ADGRL3: variants seen among roughly 807,000 people sequenced by gnomAD.
ADGRL3 encodes calcium-independent alpha-latrotoxin receptor 3.
A neutral mutation model predicts 153.5 loss-of-function variants in ADGRL3; 62 were observed. That is an observed-to-expected ratio of 0.40 (90% CI 0.33 to 0.50). The LOEUF is 0.50. ADGRL3 is among the 20% of genes least tolerant of loss of function. The pLI, the probability that ADGRL3 is intolerant of heterozygous loss-of-function variation, is 0.47. For missense variants in ADGRL3, 1,641 were observed against 1,859.4 expected (o/e 0.88, Z 2.16); for synonymous variants, 710 against 672.5 (o/e 1.06, Z -0.86).
chr4:61,806,762 A>C (rs1037315871), intron 8 of ADGRL3, among the ~76,000 whole-genome samples: 7 of 152,146 alleles, frequency 4.6e-5, no homozygotes, highest in Non-Finnish European at 5.9e-5. Context: ...AAATTTTGGC[A>C]TAAATAAAAT....
At chr4:62,015,664 A>G (rs1010853013) in intron 21 of ADGRL3, among the ~76,000 whole-genome samples, 6 of 152,172 alleles carry the variant, frequency 3.9e-5, no homozygotes, top group African/African-American at 1.4e-4. Context: ...AATAATGTGC[A>G]TATCCCTTAA....
At chr4:61,292,288 ATT>A (rs1393607460) in intron 1 of ADGRL3, among the ~76,000 whole-genome samples, 1 of 152,054 alleles carries the variant, frequency 6.6e-6, no homozygotes, top group Non-Finnish European at 1.5e-5. Flanking sequence ...AGTAAATTTA[ATT>A]TTGTGTGTTT....
At chr4:61,306,394 C>T (rs1047519700) in intron 1 of ADGRL3, among the ~76,000 whole-genome samples, 7 of 152,042 alleles carry the variant, frequency 4.6e-5, no homozygotes, top group East Asian at 1.9e-4. Flanking sequence ...CACCCCACAC[C>T]GCCAAGAACT....
At chr4:61,569,854 C>T (rs577777725) in intron 4 of ADGRL3, among the ~76,000 whole-genome samples, 1 of 152,224 alleles carries the variant, frequency 6.6e-6, no homozygotes, top group South Asian at 2.1e-4. Flanking sequence ...GCACTTAGCA[C>T]TTCACTATAA....
At chr4:61,902,281 C>G (rs183658854) in intron 11 of ADGRL3, among the ~76,000 whole-genome samples, 1 of 152,134 alleles carries the variant, frequency 6.6e-6, no homozygotes, top group South Asian at 2.1e-4. Context: ...TTGGTGACTC[C>G]CTTTCCTTCC....
chr4:61,761,491 A>G (rs1293889154), intron 8 of ADGRL3, among the ~76,000 whole-genome samples: 3 of 152,176 alleles, frequency 2.0e-5, no homozygotes, highest in African/African-American at 7.2e-5. Flanking sequence ...GTCAAAGCAT[A>G]TGATCTTATT....
chr4:61,340,192 T>C (rs557702141), intron 1 of ADGRL3, among the ~76,000 whole-genome samples: 46 of 152,298 alleles, frequency 3.0e-4, no homozygotes, highest in African/African-American at 1.1e-3. Context: ...CAAACTAAAT[T>C]GGATATTTTG....
intron 6 of ADGRL3, among the ~76,000 whole-genome samples, chr4:61,711,489 T>TATATATATATATATATAC (rs1216182444): frequency 9.3e-6 from 1 of 107,942 alleles, no homozygotes; most frequent in Non-Finnish European, 1.9e-5. Flanking sequence ...TATATATATA[T>TATATATATATATATATAC]ATACACACAC....
intron 21 of ADGRL3, among the ~76,000 whole-genome samples, chr4:62,007,436 A>ATC (rs2099164948): frequency 1.5e-5 from 2 of 130,818 alleles, no homozygotes; most frequent in East Asian, 2.1e-4. Context: ...ATATATATAT[A>ATC]TATACACACA....
At chr4:61,847,899 T>TAC (rs2098146838) in intron 9 of ADGRL3, among the ~76,000 whole-genome samples, 2 of 23,086 alleles carry the variant, frequency 8.7e-5, no homozygotes, top group African/African-American at 1.1e-4. Flanking sequence ...AAATATATTA[T>TAC]ATATAATATA....
At chr4:61,839,186 TTTG>T (rs2097984512) in intron 9 of ADGRL3, among the ~76,000 whole-genome samples, 2 of 151,970 alleles carry the variant, frequency 1.3e-5, no homozygotes, top group African/African-American at 4.8e-5. Context: ...AGATTGTGAT[TTTG>T]TTTTGTTTTT....
intron 5 of ADGRL3, among the ~76,000 whole-genome samples, chr4:61,610,482 A>G (rs527248654): frequency 3.3e-5 from 5 of 152,300 alleles, no homozygotes; most frequent in South Asian, 4.1e-4. Flanking sequence ...AATATTTCCA[A>G]TCTTTCTTGG....
chr4:61,629,097 A>T (rs1011482069), intron 5 of ADGRL3, among the ~76,000 whole-genome samples: 2 of 152,132 alleles, frequency 1.3e-5, no homozygotes, highest in South Asian at 4.1e-4. Flanking sequence ...CAGGGTGAGA[A>T]TTAGTGAAAT....
chr4:61,515,890 A>C (rs960691039), intron 3 of ADGRL3, among the ~76,000 whole-genome samples: 1 of 152,298 alleles, frequency 6.6e-6, no homozygotes, highest in African/African-American at 2.4e-5. Flanking sequence ...ACATCAAAGA[A>C]GGCAATTACT....
At chr4:61,791,732 A>G (rs566738407) in intron 8 of ADGRL3, among the ~76,000 whole-genome samples, 1 of 152,282 alleles carries the variant, frequency 6.6e-6, no homozygotes, top group East Asian at 1.9e-4. Flanking sequence ...AGACATTTCT[A>G]TACATCTGAA....
At chr4:62,010,133 A>G (rs1395300569) in intron 21 of ADGRL3, among the ~76,000 whole-genome samples, 3 of 152,086 alleles carry the variant, frequency 2.0e-5, no homozygotes, top group African/African-American at 7.2e-5. Context: ...GTTTTATCAC[A>G]TAGGCATGAT....
chr4:61,487,657 A>G (rs1298985898), intron 2 of ADGRL3, among the ~76,000 whole-genome samples: 1 of 152,070 alleles, frequency 6.6e-6, no homozygotes, highest in African/African-American at 2.4e-5. Context: ...ATTGTCTTAA[A>G]TGGCATATTG....
chr4:61,414,065 A>G (rs190183028), intron 2 of ADGRL3, among the ~76,000 whole-genome samples: 9 of 152,332 alleles, frequency 5.9e-5, no homozygotes, highest in African/African-American at 1.9e-4. Context: ...ATTGAATTAA[A>G]CAACACTGCT....
At position 61,369,784 on chromosome 4, in the gene ADGRL3, T is replaced by G. The variant is rs577626950; in HGVS notation, c.-239-13340T>G. 5.5e-3 allele frequency among the ~76,000 whole-genome samples: 831 copies of G among 152,142 alleles called. 9 individuals are homozygous for G. The highest frequency in any genetic ancestry group is 0.017 in the African/African-American group (688 of 41,484). ...GGATTCCCTCTTTTTCTATTGATTG[T>G]AATAGTTTCAGAAGGAATGGTACCA... On this transcript the variant is annotated intron_variant, in intron 1 of 26. Transcript: ENST00000683033.
Sources: gnomAD v4.1 joint callset for allele counts (sites outside exome capture counted in the v4.1 genomes callset) on GRCh38, gnomAD v4.1.1 for gene constraint, MANE v1.5 for transcripts, NCBI Gene and HGNC (gene_info 2026-07-23, HGNC 2026-07-21) for gene names.